The following PCDHGB3 variants were observed in gnomAD, a reference collection of about 807,000 sequenced individuals.
PCDHGB3 encodes the protein protocadherin gamma subfamily B, 3.
A neutral mutation model predicts 59.2 loss-of-function variants in PCDHGB3; 40 were observed. The ratio of observed to expected loss-of-function variants is 0.68; its 90% CI spans 0.52 to 0.88. PCDHGB3 has a LOEUF of 0.88. Among genes scored for constraint, PCDHGB3 ranks in the 40% least tolerant of loss-of-function variants. PCDHGB3 has a pLI of 0.00. For missense variants in PCDHGB3, 1,309 were observed against 1,187.9 expected (o/e 1.10, Z -1.50); for synonymous variants, 581 against 503.6 (o/e 1.15, Z -2.06).
In PCDHGB3 at chr5:141,384,156, C is replaced by A. The variant is rs760709557; in HGVS notation, c.2415+11347C>A. The A allele has an allele frequency of 1.9e-6, 3 of 1,613,342 alleles. No individual in the cohort carries two copies. In the African/African-American group the frequency reaches 4.0e-5, roughly 22 times the overall value. On this transcript the variant is annotated intron_variant, in intron 1 of 3. Transcript: ENST00000576222. ...ACCGGGAAACACTCTCTTTGTATAACATCACACTGAAAGCCACAGATGGTG... is the reference window on the plus strand; with the variant it reads ...ACCGGGAAACACTCTCTTTGTATAAAATCACACTGAAAGCCACAGATGGTG...
rs1046764113 is a variant in PCDHGB3, at chr5:141,495,395, G to A, written c.2474+530G>A. Among the ~76,000 whole-genome samples the A allele has an allele frequency of 4.1e-4, 62 of 152,326 alleles. 1 individual carries two copies. The highest frequency in any genetic ancestry group is 1.4e-3 in the African/African-American group (57 of 41,576). On this transcript the variant is annotated intron_variant, in intron 2 of 3. Transcript: ENST00000576222. Reference sequence around the variant, plus strand: ...GAGGAAGGACTGGGCGGGGCATGGAGCAGGCCCCCTTCTCCGGCCCCTCCT... The same window carrying A: ...GAGGAAGGACTGGGCGGGGCATGGAACAGGCCCCCTTCTCCGGCCCCTCCT...
chr5:141,389,628 C>T (rs2091851910), intron 1 of PCDHGB3: 1 of 1,613,000 alleles, frequency 6.2e-7, no homozygotes, highest in Non-Finnish European at 8.5e-7. Context: ...CGCTGCAGAG[C>T]CTGGCTACTT....
At chr5:141,404,443 A>G in intron 1 of PCDHGB3, 1 of 1,613,468 alleles carries the variant, frequency 6.2e-7, no homozygotes, top group East Asian at 2.2e-5. Flanking sequence ...ATACCATCCA[A>G]GGGTCTCCTC....
Position 141,431,938 on chromosome 5 carries a change from A to G in PCDHGB3, c.2415+59129A>G, listed in dbSNP as rs150199588. 49 of 1,614,050 alleles carry G rather than the reference A, an allele frequency of 3.0e-5. No individual in the cohort carries two copies. Among genetic ancestry groups the G allele is most frequent in the Non-Finnish European group, 3.9e-5 (46 of 1,180,026 alleles). Reference sequence around the variant, plus strand: ...TCATCCAAGGAAATCTGCCCTTTAAATTAGAAAAATCTTACGGAAATTACT... The same window carrying G: ...TCATCCAAGGAAATCTGCCCTTTAAGTTAGAAAAATCTTACGGAAATTACT... On this transcript the variant is annotated intron_variant, in intron 1 of 3. Coordinates refer to ENST00000576222, the MANE Select transcript of PCDHGB3 (RefSeq NM_018924.5). This position sits in a 1 kb window ranked among gnomAD's most constrained non-coding sequence, Gnocchi z 4.8.
intron 2 of PCDHGB3, among the ~76,000 whole-genome samples, chr5:141,502,956 G>A (rs986743949): frequency 1.3e-5 from 2 of 148,846 alleles, no homozygotes; most frequent in African/African-American, 5.0e-5. Context: ...CGATTCTCCT[G>A]CCTCAGCCTC....
rs375915850 is a variant in PCDHGB3, at chr5:141,397,975, G to A, written c.2415+25166G>A. The A allele has an allele frequency of 2.3e-4, 272 of 1,189,006 alleles. 1 individual carries two copies. Among genetic ancestry groups the A allele is most frequent in the African/African-American group, 9.9e-4 (64 of 64,918 alleles). 73.7% of individuals were successfully genotyped at this position (1,189,006 alleles called of 1,614,324 possible). ...GCCCCAGCTCAGACTCCCCAGCGCC[G>A]GCCTTTACACCGCTTCCTCCTCGGA... On this transcript the variant is annotated intron_variant, in intron 1 of 3. Transcript: ENST00000576222.
chr5:141,394,463 G>A (rs1244366845), intron 1 of PCDHGB3: 2 of 1,614,248 alleles, frequency 1.2e-6, no homozygotes, highest in South Asian at 2.2e-5. Flanking sequence ...CACTGAGCCT[G>A]TTCGTGCTGG....
At chr5:141,455,552 G>T (rs897699654) in intron 1 of PCDHGB3, among the ~76,000 whole-genome samples, 1 of 152,144 alleles carries the variant, frequency 6.6e-6, no homozygotes, top group African/African-American at 2.4e-5. Flanking sequence ...CGTAGCCCGA[G>T]AAAAAGCTGG....
chr5:141,425,528 C>T (rs2096881702), intron 1 of PCDHGB3, among the ~76,000 whole-genome samples: 1 of 152,200 alleles, frequency 6.6e-6, no homozygotes, highest in African/African-American at 2.4e-5. Context: ...AAACATGAAA[C>T]AATAATCCTT....
rs1229317913 is a variant in PCDHGB3 at position 141,489,752 on chromosome 5, C to T, written c.2416-5055C>T. ...GGCACCAATACTGTGAGCTTTTACACTCTAAGCCCCAACAGCCACTTCTCT... is the reference window on the plus strand; with the variant it reads ...GGCACCAATACTGTGAGCTTTTACATTCTAAGCCCCAACAGCCACTTCTCT... On this transcript the variant is annotated intron_variant, in intron 1 of 3. Transcript: ENST00000576222. The surrounding 1 kb of genome is among the most constrained non-coding windows in gnomAD (Gnocchi z 4.5). 1.2e-6 allele frequency: 2 copies of T among 1,614,018 alleles called. No individual in the cohort carries two copies. Among genetic ancestry groups the T allele is most frequent in the Non-Finnish European group, 1.7e-6 (2 of 1,179,980 alleles).
At chr5:141,479,505 G>A (rs2099498324) in intron 1 of PCDHGB3, 1 of 152,262 alleles carries the variant, frequency 6.6e-6, no homozygotes, top group African/African-American at 2.4e-5. Flanking sequence ...CCTAAAGAGG[G>A]GTGAACTGGC....
At position 141,431,106 on chromosome 5, in the gene PCDHGB3, T is replaced by C. The variant is rs566174531; in HGVS notation, c.2415+58297T>C. 25 of 1,614,108 alleles carry C rather than the reference T, an allele frequency of 1.5e-5. No homozygotes were observed. In the South Asian group the frequency reaches 2.7e-4, roughly 18 times the overall value. On this transcript the variant is annotated intron_variant, in intron 1 of 3. Transcript: ENST00000576222. This position sits in a 1 kb window ranked among gnomAD's most constrained non-coding sequence, Gnocchi z 4.8. ...ATTCTGATGGAGGATAAAGTGAAAA[T>C]ATATGGAGTAGAAGTAGAAGTAAGG...
Position 141,491,190 on chromosome 5 carries a change from C to A in PCDHGB3, c.2416-3617C>A, listed in dbSNP as rs759736855. On this transcript the variant is annotated intron_variant, in intron 1 of 3. Transcript: ENST00000576222. The surrounding 1 kb of genome is among the most constrained non-coding windows in gnomAD (Gnocchi z 6.9). ...AGCAGGTGGTGGTCCTGGTGAGGGA[C>A]AATGGTGACCCTTCACTCTCCTCCA... 1 of 1,614,192 alleles carries A rather than the reference C, an allele frequency of 6.2e-7. No homozygotes were observed. The highest frequency in any genetic ancestry group is 1.1e-5 in the South Asian group (1 of 91,082).
chr5:141,454,644 G>T (rs183290309), intron 1 of PCDHGB3, among the ~76,000 whole-genome samples: 2 of 151,892 alleles, frequency 1.3e-5, no homozygotes, highest in South Asian at 2.1e-4. Flanking sequence ...AACCTCAGGT[G>T]ATCTGCCCAC....
At position 141,476,813 on chromosome 5, in the gene PCDHGB3, A is replaced by G. The variant is rs749333814; in HGVS notation, c.2416-17994A>G. The G allele has an allele frequency of 6.8e-6, 11 of 1,613,548 alleles. No individual in the cohort carries two copies. Among genetic ancestry groups the G allele is most frequent in the Non-Finnish European group, 9.3e-6 (11 of 1,180,022 alleles). On this transcript the variant is annotated intron_variant, in intron 1 of 3. Transcript: ENST00000576222. The surrounding 1 kb of genome is among the most constrained non-coding windows in gnomAD (Gnocchi z 7.6). ...CTCCGCCAGCCTGCCTATTCACATC[A>G]AGGTGCTGGACGCGAATGACAATGC...
chr5:141,448,211 T>TA (rs2098575794), intron 1 of PCDHGB3, among the ~76,000 whole-genome samples: 1 of 152,212 alleles, frequency 6.6e-6, no homozygotes, highest in East Asian at 1.9e-4. Flanking sequence ...TTTCTGTGTG[T>TA]ATGCGAATGT....
intron 1 of PCDHGB3, chr5:141,421,364 T>C (rs975166167): frequency 3.7e-6 from 6 of 1,613,994 alleles, no homozygotes; most frequent in African/African-American, 1.3e-5. Context: ...GGCTCCTTCG[T>C]GGGCAATATC....
Position 141,370,265 on chromosome 5 carries a change from A to T in PCDHGB3, c.-130A>T. The T allele has an allele frequency of 2.6e-6, 2 of 758,286 alleles. No individual in the cohort carries two copies. The highest frequency in any genetic ancestry group is 4.5e-5 in the South Asian group (2 of 44,942). 47.0% of individuals were successfully genotyped at this position (758,286 alleles called of 1,614,324 possible). A position where few individuals can be genotyped will look rare whatever the true frequency, so the allele number is the denominator to read the frequency against. On this transcript the variant is annotated 5_prime_UTR_variant, in exon 1 of 4. Transcript: ENST00000576222. ...GTGCACTCTCTATCAGGCTTCCTGC[A>T]GCGGAGACACCCATTAGAGAACCCA...
At position 141,431,338 on chromosome 5, in the gene PCDHGB3, A is replaced by G; in HGVS notation, c.2415+58529A>G. On this transcript the variant is annotated intron_variant, in intron 1 of 3. Transcript: ENST00000576222. This position sits in a 1 kb window ranked among gnomAD's most constrained non-coding sequence, Gnocchi z 4.8. ...GAGCCGACGGTAGTAAGTACCCCGA[A>G]TTGGTGCTGAAACGCGCCCTGGACC... 1 of 1,614,068 alleles carries G rather than the reference A, an allele frequency of 6.2e-7. No homozygotes were observed. The highest frequency in any genetic ancestry group is 8.5e-7 in the Non-Finnish European group (1 of 1,180,032).
Sources: allele counts gnomAD v4.1 joint callset (sites outside exome capture counted in the v4.1 genomes callset), GRCh38; gene constraint gnomAD v4.1.1; non-coding constraint Gnocchi (gnomAD v3.1); transcripts MANE v1.5; gene names NCBI Gene and HGNC (gene_info 2026-07-23, HGNC 2026-07-21).